The following TTC39B variants were observed in gnomAD, a reference collection of about 807,000 sequenced individuals.
TTC39B encodes tetratricopeptide repeat protein 39B.
TTC39B carries 92 observed loss-of-function variants against 96.6 expected under a neutral mutation model. That is an observed-to-expected ratio of 0.95 (90% CI 0.80 to 1.13). TTC39B has a LOEUF of 1.13. Ranked by LOEUF, TTC39B falls within the 50% of genes most tolerant of loss-of-function variation. TTC39B has a pLI of 0.00. For synonymous variants in TTC39B, 367 were observed against 299.4 expected (o/e 1.23, Z -2.33); for missense variants, 955 against 809.3 (o/e 1.18, Z -2.18).
intron 1 of TTC39B, among the ~76,000 whole-genome samples, chr9:15,284,716 A>C (rs1313848129): frequency 1.3e-5 from 2 of 152,222 alleles, no homozygotes; most frequent in African/African-American, 4.8e-5. Context: ...TTCTTACTTA[A>C]GCTGGTCTCT....
chr9:15,208,556 A>C (rs1182658083), intron 6 of TTC39B, among the ~76,000 whole-genome samples: 2 of 152,188 alleles, frequency 1.3e-5, no homozygotes, highest in African/African-American at 2.4e-5. Context: ...AGTGAACTTT[A>C]GGTCTAACGG....
chr9:15,202,480 G>A (rs10116289), intron 7 of TTC39B, among the ~76,000 whole-genome samples: 59,349 of 151,914 alleles, frequency 0.39, 12,238 homozygotes, highest in East Asian at 0.66. Context: ...GGGAGGCCGA[G>A]GTGGGTGGAA....
chr9:15,211,063 T>C (rs115006223), intron 5 of TTC39B, among the ~76,000 whole-genome samples: 94 of 147,984 alleles, frequency 6.4e-4, no homozygotes, highest in African/African-American at 2.2e-3. Context: ...CAGATCTCTG[T>C]AGCTCAGACC....
intron 8 of TTC39B, among the ~76,000 whole-genome samples, chr9:15,195,508 A>T (rs1029140283): frequency 5.9e-5 from 9 of 152,036 alleles, no homozygotes; most frequent in African/African-American, 1.9e-4. Flanking sequence ...TGCCTCTACT[A>T]AAAATACAAA....
rs16932765 is a variant in TTC39B at position 15,179,420 on chromosome 9, A to C, written c.1724-1606T>G. ...ACTATGGAGATTAACAATGCTACTT[A>C]ACCAACCAGAAAGGGGTTACTTCTT... On this transcript the variant is annotated intron_variant, in intron 17 of 19. Coordinates refer to ENST00000512701, the Ensembl canonical transcript of TTC39B. Among the ~76,000 whole-genome samples the C allele has an allele frequency of 9.9e-3, 1,515 of 152,314 alleles. 24 individuals carry two copies. The highest frequency in any genetic ancestry group is 0.035 in the African/African-American group (1,442 of 41,564).
At chr9:15,214,030 C>G (rs1408233188) in intron 4 of TTC39B, 109 bp downstream of exon 4, 2 of 759,404 alleles carry the variant, frequency 2.6e-6, no homozygotes, top group Non-Finnish European at 4.2e-6. Flanking sequence ...ACTAAATTAG[C>G]TTATCAATAT....
At chr9:15,222,353 A>G (rs1820891845) in intron 3 of TTC39B, among the ~76,000 whole-genome samples, 1 of 152,188 alleles carries the variant, frequency 6.6e-6, no homozygotes, top group Non-Finnish European at 1.5e-5. Flanking sequence ...GGTGTTAAGT[A>G]TATTCACACA....
Position 15,228,325 on chromosome 9 carries a change from G to A in TTC39B, c.276-2313C>T, listed in dbSNP as rs562683795. 1.1e-3 allele frequency among the ~76,000 whole-genome samples: 166 copies of A among 152,172 alleles called. 1 individual carries two copies. Among genetic ancestry groups the A allele is most frequent in the Non-Finnish European group, 1.1e-3 (77 of 68,000 alleles). On this transcript the variant is annotated intron_variant, in intron 2 of 19. Transcript: ENST00000512701. ...CTGAAAATACAAAAATTAGCCAGGC[G>A]TGGTGGTGGGTGCCTGTAATCCGAG...
chr9:15,177,504 A>G (rs1818005146), intron 18 of TTC39B, among the ~76,000 whole-genome samples, 193 bp downstream of exon 18: 2 of 152,234 alleles, frequency 1.3e-5, no homozygotes, highest in Non-Finnish European at 2.9e-5. Context: ...AGAAATACAT[A>G]AAGTCATGTT....
chr9:15,292,568 G>A (rs1759925131), intron 1 of TTC39B, among the ~76,000 whole-genome samples: 1 of 152,144 alleles, frequency 6.6e-6, no homozygotes, highest in Admixed American at 6.5e-5. Flanking sequence ...GCCTCAGGCA[G>A]GTCCTTCAGG....
At chr9:15,262,103 T>C (rs1328035158) in intron 2 of TTC39B, among the ~76,000 whole-genome samples, 3 of 152,086 alleles carry the variant, frequency 2.0e-5, no homozygotes, top group African/African-American at 7.2e-5. Context: ...TTTATTTTAT[T>C]ATTATTATTT....
At chr9:15,231,275 A>G (rs905585476) in intron 2 of TTC39B, among the ~76,000 whole-genome samples, 4 of 152,008 alleles carry the variant, frequency 2.6e-5, no homozygotes, top group African/African-American at 7.2e-5. Context: ...AGCCTCCCAG[A>G]GTGCTTGGAT....
chr9:15,242,357 G>A (rs546494997), intron 2 of TTC39B, among the ~76,000 whole-genome samples: 21 of 152,220 alleles, frequency 1.4e-4, no homozygotes, highest in Middle Eastern at 3.4e-3. Context: ...CAAGGCAGGC[G>A]GATCACTTGA....
chr9:15,292,358 T>A (rs561479141), intron 1 of TTC39B, among the ~76,000 whole-genome samples: 8 of 152,322 alleles, frequency 5.3e-5, no homozygotes, highest in African/African-American at 1.7e-4. Flanking sequence ...TACCTACATA[T>A]TTGTGGTGAT....
At chr9:15,229,912 A>G (rs993702483) in intron 2 of TTC39B, among the ~76,000 whole-genome samples, 15 of 152,254 alleles carry the variant, frequency 9.9e-5, no homozygotes, top group Admixed American at 1.3e-4. Context: ...TAATATTACA[A>G]GCAAGTCCTG....
At chr9:15,203,838 T>C (rs754878232) in exon 7 of TTC39B, 14 of 1,613,044 alleles carry the variant, frequency 8.7e-6, no homozygotes, top group Non-Finnish European at 1.1e-5. Flanking sequence ...CAAACGTGAG[T>C]GCAGCTTTCT....
Position 15,175,125 on chromosome 9 carries a change from G to A in TTC39B, c.1852C>T (p.Leu618=), listed in dbSNP as rs947295245. The change falls in exon 19 of 20, where the codon CTG becomes TTG. Residue 618 remains leucine, a synonymous_variant. Coordinates refer to ENST00000512701, the Ensembl canonical transcript of TTC39B. Reference sequence around the variant, plus strand: ...GGCACTAGGTAGTGGTCATACTTCAGTAGCTTTTCACTGAAAGAGCAGAGG... The same window carrying A: ...GGCACTAGGTAGTGGTCATACTTCAATAGCTTTTCACTGAAAGAGCAGAGG... 8 of 1,610,820 alleles carry A rather than the reference G, an allele frequency of 5.0e-6. No homozygotes were observed. The Admixed American group carries it at 5.0e-5, about 10-fold the overall frequency.
In TTC39B at chr9:15,202,848, C is replaced by G. The variant is rs1233470844; in HGVS notation, c.759+975G>C. Among the ~76,000 whole-genome samples the G allele has an allele frequency of 5.9e-5, 9 of 152,142 alleles. No homozygotes were observed. The South Asian group carries it at 1.9e-3, about 32-fold the overall frequency. On this transcript the variant is annotated intron_variant, in intron 7 of 19. Transcript: ENST00000512701. ...ACCCTCACTGTAGCCATCACTACCA[C>G]CCATGAAGCCATTATGTGAAAGTTT... is the stretch of plus-strand genomic sequence containing the variant.
At chr9:15,267,892 T>A in intron 2 of TTC39B, 22 bp downstream of exon 2, 1 of 1,598,980 alleles carries the variant, frequency 6.3e-7, no homozygotes, top group Non-Finnish European at 8.5e-7. Flanking sequence ...TACTACATAC[T>A]TTTTATTATG....
Sources: gnomAD v4.1 joint callset for allele counts (sites outside exome capture counted in the v4.1 genomes callset) on GRCh38, gnomAD v4.1.1 for gene constraint, MANE v1.5 for transcripts, NCBI Gene and HGNC (gene_info 2026-07-23, HGNC 2026-07-21) for gene names.